Variants in ITGA9 observed in about 807,000 individuals in gnomAD.
ITGA9 encodes integrin alpha-9.
In ITGA9, 56 loss-of-function variants were observed where a neutral mutation model predicts 127.8. The observed-to-expected ratio is 0.44, with a 90% CI of 0.35 to 0.55. The LOEUF is 0.55. Ranked by LOEUF, ITGA9 falls within the 20% of genes least tolerant of loss-of-function variation. The pLI, the probability that ITGA9 is intolerant of heterozygous loss-of-function variation, is 0.00. For missense variants in ITGA9, 1,196 were observed against 1,347.1 expected (o/e 0.89, Z 1.76); for synonymous variants, 508 against 514.5 (o/e 0.99, Z 0.17).
chr3:37,641,601 A>C (rs116201403), intron 16 of ITGA9, among the ~76,000 whole-genome samples: 146 of 152,154 alleles, frequency 9.6e-4, no homozygotes, highest in Non-Finnish European at 1.4e-3. Flanking sequence ...CCAGGCCACC[A>C]TCATTTGTCA....
intron 18 of ITGA9, among the ~76,000 whole-genome samples, chr3:37,699,834 C>T (rs1700927033): frequency 6.6e-6 from 1 of 152,188 alleles, no homozygotes; most frequent in Non-Finnish European, 1.5e-5. Flanking sequence ...CTGGCTCTTC[C>T]CTTAAATAGG....
intron 15 of ITGA9, among the ~76,000 whole-genome samples, chr3:37,618,865 C>T (rs1700101003): frequency 6.6e-6 from 1 of 152,200 alleles, no homozygotes. Flanking sequence ...TCTGTCACCC[C>T]TTTCTTTGAC....
At chr3:37,582,787 G>T (rs1699722187) in intron 15 of ITGA9, among the ~76,000 whole-genome samples, 1 of 152,144 alleles carries the variant, frequency 6.6e-6, no homozygotes, top group Non-Finnish European at 1.5e-5. Flanking sequence ...TTCTAGTCAG[G>T]AATTATGTCT....
At chr3:37,563,685 A>G (rs189317087) in intron 15 of ITGA9, among the ~76,000 whole-genome samples, 1 of 152,352 alleles carries the variant, frequency 6.6e-6, no homozygotes, top group East Asian at 1.9e-4. Context: ...TCAATGTTAC[A>G]GCCATTTATG....
intron 26 of ITGA9, among the ~76,000 whole-genome samples, chr3:37,785,478 T>C (rs563685720): frequency 1.6e-4 from 24 of 152,028 alleles, no homozygotes; most frequent in South Asian, 8.3e-4. Flanking sequence ...TGTGTTTTGG[T>C]TTGGTTTGGT....
chr3:37,709,414 A>G (rs1359454439), intron 18 of ITGA9, among the ~76,000 whole-genome samples: 2 of 152,166 alleles, frequency 1.3e-5, no homozygotes, highest in African/African-American at 2.4e-5. Flanking sequence ...CCCAAGGCCA[A>G]CCCTGAACCT....
intron 15 of ITGA9, among the ~76,000 whole-genome samples, chr3:37,555,577 T>A (rs933338678): frequency 3.3e-5 from 5 of 152,186 alleles, no homozygotes; most frequent in African/African-American, 1.2e-4. Context: ...AACTCACAGC[T>A]CCTGCCACAG....
intron 15 of ITGA9, among the ~76,000 whole-genome samples, chr3:37,555,702 C>A (rs1488104698): frequency 6.6e-6 from 1 of 152,212 alleles, no homozygotes; most frequent in African/African-American, 2.4e-5. Flanking sequence ...CTTAGACATG[C>A]TGATTAAAAC....
intron 15 of ITGA9, among the ~76,000 whole-genome samples, chr3:37,599,403 C>A (rs1436923523): frequency 6.6e-6 from 1 of 152,206 alleles, no homozygotes; most frequent in South Asian, 2.1e-4. Context: ...CATCATCCAG[C>A]AGGCTGGCCT....
chr3:37,706,077 T>G (rs1326911679), intron 18 of ITGA9, among the ~76,000 whole-genome samples: 1 of 152,178 alleles, frequency 6.6e-6, no homozygotes, highest in Non-Finnish European at 1.5e-5. Context: ...GGTGTGCCAT[T>G]TGGGGGGAAA....
intron 26 of ITGA9, among the ~76,000 whole-genome samples, chr3:37,803,370 A>G (rs1387765841): frequency 6.6e-6 from 1 of 152,210 alleles, no homozygotes; most frequent in Non-Finnish European, 1.5e-5. Context: ...TGCAACCAGA[A>G]AATCGTTCAG....
intron 17 of ITGA9, among the ~76,000 whole-genome samples, chr3:37,667,708 G>A (rs1328212282): frequency 6.6e-6 from 1 of 152,228 alleles, no homozygotes; most frequent in Non-Finnish European, 1.5e-5. Flanking sequence ...CAGGTTGGGG[G>A]ATTTTATGTG....
chr3:37,458,496 G>T (rs1259062403), intron 1 of ITGA9, among the ~76,000 whole-genome samples: 1 of 152,214 alleles, frequency 6.6e-6, no homozygotes, highest in African/African-American at 2.4e-5. Flanking sequence ...CCAGGGTCAG[G>T]TATTGGCTGG....
intron 18 of ITGA9, among the ~76,000 whole-genome samples, chr3:37,689,223 T>C (rs1296537586): frequency 6.6e-6 from 1 of 152,326 alleles, no homozygotes; most frequent in South Asian, 2.1e-4. Context: ...CTGCAATGGA[T>C]TTTTCTGTCT....
chr3:37,684,402 T>C (rs183304593), intron 18 of ITGA9, among the ~76,000 whole-genome samples: 1 of 152,336 alleles, frequency 6.6e-6, no homozygotes, highest in East Asian at 1.9e-4. Flanking sequence ...TCACTGCTTG[T>C]CGTGTTAGTT....
intron 15 of ITGA9, among the ~76,000 whole-genome samples, chr3:37,570,988 C>A (rs1699594446): frequency 2.6e-5 from 4 of 152,190 alleles, no homozygotes. Context: ...ACACTGAGGC[C>A]CATCAGGCCA....
chr3:37,703,050 G>A (rs1414853676), intron 18 of ITGA9, among the ~76,000 whole-genome samples: 1 of 152,138 alleles, frequency 6.6e-6, no homozygotes, highest in African/African-American at 2.4e-5. Flanking sequence ...TCTCCCTGGG[G>A]ACATATTTGA....
At chr3:37,528,838 G>A (rs964703142) in intron 13 of ITGA9, among the ~76,000 whole-genome samples, 2 of 152,126 alleles carry the variant, frequency 1.3e-5, no homozygotes, top group East Asian at 1.9e-4. Flanking sequence ...CACTGCATAC[G>A]CTGTGTGACT....
chr3:37,454,315 C>G (rs1450460197), intron 1 of ITGA9, among the ~76,000 whole-genome samples: 1 of 152,180 alleles, frequency 6.6e-6, no homozygotes, highest in Non-Finnish European at 1.5e-5. Flanking sequence ...TGGGTAGAGA[C>G]GAGAGCAGAT....
Sources: gnomAD v4.1 joint callset for allele counts (sites outside exome capture counted in the v4.1 genomes callset) on GRCh38, gnomAD v4.1.1 for gene constraint, MANE v1.5 for transcripts, NCBI Gene and HGNC (gene_info 2026-07-23, HGNC 2026-07-21) for gene names.